HS3ST4: variants seen among roughly 807,000 people sequenced by gnomAD.
The protein encoded by HS3ST4 is heparan sulfate glucosamine 3-O-sulfotransferase 4.
In HS3ST4, 17 loss-of-function variants were observed where a neutral mutation model predicts 29.2. That is an observed-to-expected ratio of 0.58 (90% confidence interval 0.40 to 0.87). HS3ST4 has a LOEUF of 0.87. HS3ST4 is among the 40% of genes least tolerant of loss of function. HS3ST4 has a pLI of 0.00. For missense variants in HS3ST4, 627 were observed against 634.5 expected, an observed-to-expected ratio of 0.99 and a Z score of 0.13; for synonymous variants, 314 against 285.7, an observed-to-expected ratio of 1.10 and a Z score of -1.00.
At chr16:26,096,125 C>A (rs1898922754) in intron 1 of HS3ST4, among the ~76,000 whole-genome samples, 1 of 152,232 alleles carries the variant, frequency 6.6e-6, no homozygotes, top group East Asian at 1.9e-4. Flanking sequence ...CCAAAAAAGT[C>A]CAGGACCAGA....
chr16:25,929,153 G>A (rs999370791), intron 1 of HS3ST4, among the ~76,000 whole-genome samples: 50 of 152,148 alleles, frequency 3.3e-4, no homozygotes, highest in Admixed American at 2.0e-3. Flanking sequence ...GGAGGCTGAC[G>A]TGGGTGGATC....
In HS3ST4 at chr16:26,107,000, C is replaced by T. The variant is rs2141800348; in HGVS notation, c.735-28612C>T. Among the ~76,000 whole-genome samples, 2 of 152,174 alleles carry T rather than the reference C, an allele frequency of 1.3e-5. 1 individual carries two copies. The highest frequency in any genetic ancestry group is 4.2e-4 in the South Asian group (2 of 4,808). On this transcript the variant is annotated intron_variant, in intron 1 of 1. Coordinates refer to ENST00000331351, the MANE Select transcript of HS3ST4 (RefSeq NM_006040.3). Reference sequence around the variant, plus strand: ...CTAGCCCTCGACTATCTAGAATGTTCTTCCCCGTCTTCACAACTTGGGCTA... The same window carrying T: ...CTAGCCCTCGACTATCTAGAATGTTTTTCCCCGTCTTCACAACTTGGGCTA...
rs550743347 is a variant in HS3ST4 at position 26,000,043 on chromosome 16, A to G, written c.735-135569A>G. On this transcript the variant is annotated intron_variant, in intron 1 of 1. Coordinates refer to ENST00000331351, the MANE Select transcript of HS3ST4 (RefSeq NM_006040.3). ...TACATGTTGAAAAGTAATTATCTGT[A>G]TTATTGCCCAATCTGTTATCATGCT... Among the ~76,000 whole-genome samples, 4 of 151,528 alleles carry G rather than the reference A, an allele frequency of 2.6e-5. No individual in the cohort carries two copies. The East Asian group carries it at 7.8e-4, about 29-fold the overall frequency.
In HS3ST4 at chr16:26,063,529, AG is replaced by A. The variant is rs1440785763; in HGVS notation, c.735-72082del. On this transcript the variant is annotated intron_variant, in intron 1 of 1. Transcript: ENST00000331351. ...TTGTCTCTACTGAAAAAAAAAAAAAAGAAAAAAACCATTAAAAATTAGCTAG... is the reference window on the plus strand; with the variant it reads ...TTGTCTCTACTGAAAAAAAAAAAAAAAAAAAAACCATTAAAAATTAGCTAG... Among the ~76,000 whole-genome samples, 162 of 151,198 alleles carry A rather than the reference AG, an allele frequency of 1.1e-3. 1 individual carries two copies. The highest frequency in any genetic ancestry group is 3.9e-3 in the African/African-American group (159 of 41,232).
intron 1 of HS3ST4, among the ~76,000 whole-genome samples, chr16:25,929,725 GAA>G (rs1193927536): frequency 6.6e-6 from 1 of 152,178 alleles, no homozygotes; most frequent in African/African-American, 2.4e-5. Flanking sequence ...GGAGAGAAAA[GAA>G]ACAGCTATGT....
At chr16:25,713,486 C>T (rs1378001829) in intron 1 of HS3ST4, among the ~76,000 whole-genome samples, 3 of 152,068 alleles carry the variant, frequency 2.0e-5, no homozygotes, top group African/African-American at 4.8e-5. Flanking sequence ...TGTGATTGCA[C>T]CACTGCACTC....
chr16:26,043,129 G>T (rs1022992266), intron 1 of HS3ST4, among the ~76,000 whole-genome samples: 1 of 152,168 alleles, frequency 6.6e-6, no homozygotes, highest in Non-Finnish European at 1.5e-5. Flanking sequence ...ACCTGTGCGT[G>T]TAGTAGCTTT....
At chr16:25,980,676 T>G (rs62034471) in intron 1 of HS3ST4, among the ~76,000 whole-genome samples, 8,454 of 152,268 alleles carry the variant, frequency 0.056, 333 homozygotes, top group Middle Eastern at 0.092. Context: ...GCAAAACTCC[T>G]ACTGCCTTAA....
At chr16:25,880,173 C>G (rs1483486723) in intron 1 of HS3ST4, among the ~76,000 whole-genome samples, 1 of 152,140 alleles carries the variant, frequency 6.6e-6, no homozygotes, top group Non-Finnish European at 1.5e-5. Flanking sequence ...CTCTTAGTAT[C>G]AAGCAACTTT....
At chr16:26,013,589 T>C (rs1267298411) in intron 1 of HS3ST4, among the ~76,000 whole-genome samples, 1 of 152,232 alleles carries the variant, frequency 6.6e-6, no homozygotes, top group Non-Finnish European at 1.5e-5. Context: ...TTTCATAGGC[T>C]TCATTTCATT....
At chr16:26,054,912 A>G (rs1898389438) in intron 1 of HS3ST4, among the ~76,000 whole-genome samples, 1 of 152,098 alleles carries the variant, frequency 6.6e-6, no homozygotes. Flanking sequence ...TCTTCAGCAG[A>G]GAATCTTGAC....
chr16:25,890,303 C>T (rs1165670553), intron 1 of HS3ST4, among the ~76,000 whole-genome samples: 3 of 152,168 alleles, frequency 2.0e-5, no homozygotes, highest in Non-Finnish European at 4.4e-5. Context: ...GTATTTCCTT[C>T]CATAGGGAGG....
intron 1 of HS3ST4, chr16:26,063,202 C>T (rs1413659030): frequency 6.6e-6 from 1 of 152,552 alleles, no homozygotes; most frequent in Non-Finnish European, 1.5e-5. Flanking sequence ...TCTCTCCATA[C>T]TTCCCAGAAT....
intron 1 of HS3ST4, among the ~76,000 whole-genome samples, chr16:25,705,303 T>C (rs147536860): frequency 2.6e-4 from 39 of 152,286 alleles, no homozygotes; most frequent in Non-Finnish European, 4.3e-4. Flanking sequence ...TGAGGAAATA[T>C]TTGAGTCAAA....
chr16:25,746,701 G>T (rs957969530), intron 1 of HS3ST4, among the ~76,000 whole-genome samples: 1 of 151,346 alleles, frequency 6.6e-6, no homozygotes, highest in Non-Finnish European at 1.5e-5. Flanking sequence ...ACAGGTGCAT[G>T]CCATGACTCC....
chr16:25,871,021 A>T (rs534299172), intron 1 of HS3ST4, among the ~76,000 whole-genome samples: 1 of 152,366 alleles, frequency 6.6e-6, no homozygotes, highest in African/African-American at 2.4e-5. Context: ...AGGAAATCAA[A>T]TCACATGGGT....
At chr16:25,976,534 C>CAT (rs1442422493) in intron 1 of HS3ST4, among the ~76,000 whole-genome samples, 9 of 152,082 alleles carry the variant, frequency 5.9e-5, no homozygotes, top group African/African-American at 2.2e-4. Flanking sequence ...TTCCTGCAAA[C>CAT]ACGTTTGTGG....
chr16:25,717,515 G>GTA (rs1335727823), intron 1 of HS3ST4, among the ~76,000 whole-genome samples: 2 of 73,254 alleles, frequency 2.7e-5, no homozygotes, highest in Non-Finnish European at 5.1e-5. Flanking sequence ...GAAGGGGTGT[G>GTA]TGTGTGTGTG....
chr16:25,695,011 A>G (rs1966284005), intron 1 of HS3ST4, among the ~76,000 whole-genome samples: 1 of 152,200 alleles, frequency 6.6e-6, no homozygotes, highest in African/African-American at 2.4e-5. Flanking sequence ...AGAATAGAAG[A>G]TGCCAGATTT....
Sources: gnomAD v4.1 joint callset for allele counts (sites outside exome capture counted in the v4.1 genomes callset) on GRCh38, gnomAD v4.1.1 for gene constraint, MANE v1.5 for transcripts, NCBI Gene and HGNC (gene_info 2026-07-23, HGNC 2026-07-21) for gene names.